RGS7: variants seen among roughly 807,000 people sequenced by gnomAD.
The protein encoded by RGS7 is regulator of G protein signaling 7.
A neutral mutation model predicts 81.1 loss-of-function variants in RGS7; 27 were observed. The observed-to-expected ratio is 0.33, with a 90% CI of 0.25 to 0.46. RGS7 has a LOEUF of 0.46. RGS7 is among the 20% of genes least tolerant of loss of function. The probability of loss-of-function intolerance (pLI) is 1.00; values close to 1 mark genes in which losing one functional copy is unlikely to be tolerated. For synonymous variants in RGS7, 208 were observed against 207.7 expected (o/e 1.00, Z -0.01); for missense variants, 396 against 607.4 (o/e 0.65, Z 3.66).
chr1:241,248,400 G>GTA (rs962918136), intron 2 of RGS7, among the ~76,000 whole-genome samples: 40 of 145,846 alleles, frequency 2.7e-4, no homozygotes, highest in African/African-American at 5.8e-4. Flanking sequence ...ACATACATAT[G>GTA]TATATATATA....
chr1:240,936,754 A>G (rs1400891890), intron 4 of RGS7, 48 bp from the exon 5 acceptor site: 1 of 1,374,046 alleles, frequency 7.3e-7, no homozygotes, highest in African/African-American at 1.4e-5. Flanking sequence ...TTTTAAATGT[A>G]TTCTTTTATA....
In RGS7 at chr1:241,331,860, C is replaced by T. The variant is rs184424382; in HGVS notation, c.78+23839G>A. ...AGAAAGATGTATGGTAATGCAGAGACGAAAAATATCAGTGTCACTAGAGAA... is the reference window on the plus strand; with the variant it reads ...AGAAAGATGTATGGTAATGCAGAGATGAAAAATATCAGTGTCACTAGAGAA... On this transcript the variant is annotated intron_variant, in intron 2 of 18. Transcript: ENST00000440928. 9.2e-5 allele frequency among the ~76,000 whole-genome samples: 14 copies of T among 152,148 alleles called. No individual in the cohort carries two copies. The East Asian group carries it at 2.5e-3, about 27-fold the overall frequency.
chr1:241,078,979 T>C (rs1320513012), intron 3 of RGS7, among the ~76,000 whole-genome samples: 2 of 152,260 alleles, frequency 1.3e-5, no homozygotes, highest in Non-Finnish European at 2.9e-5. Flanking sequence ...TATCCAATCT[T>C]CTAAAAATTA....
At chr1:241,177,753 C>A (rs533333662) in intron 2 of RGS7, among the ~76,000 whole-genome samples, 2 of 152,160 alleles carry the variant, frequency 1.3e-5, no homozygotes, top group African/African-American at 4.8e-5. Context: ...AACAAGACTT[C>A]CTAGTTGACT....
At chr1:241,056,366 T>C (rs1279136416) in intron 3 of RGS7, among the ~76,000 whole-genome samples, 1 of 152,224 alleles carries the variant, frequency 6.6e-6, no homozygotes, top group Non-Finnish European at 1.5e-5. Flanking sequence ...TGTTTCAGCT[T>C]CTTCTTAGCA....
chr1:240,799,744 C>T (rs910672748), intron 18 of RGS7, among the ~76,000 whole-genome samples: 7 of 152,168 alleles, frequency 4.6e-5, no homozygotes, highest in African/African-American at 1.4e-4. Flanking sequence ...AAGGGTTGGA[C>T]ATGGCTGCAA....
At chr1:241,040,257 GA>G (rs1477144859) in intron 3 of RGS7, among the ~76,000 whole-genome samples, 2 of 152,130 alleles carry the variant, frequency 1.3e-5, no homozygotes, top group Non-Finnish European at 2.9e-5. Flanking sequence ...CACCAGAAAA[GA>G]AAAATCATGT....
At chr1:241,174,890 A>AT (rs1351784629) in intron 2 of RGS7, among the ~76,000 whole-genome samples, 103 of 132,132 alleles carry the variant, frequency 7.8e-4, no homozygotes, top group African/African-American at 2.8e-3. Flanking sequence ...AATTCACAGA[A>AT]TTTTGTTTTT....
At chr1:241,185,972 C>G (rs2072059595) in intron 2 of RGS7, among the ~76,000 whole-genome samples, 1 of 152,028 alleles carries the variant, frequency 6.6e-6, no homozygotes, top group African/African-American at 2.4e-5. Context: ...ACGAAGTTAA[C>G]TGAAGATATC....
intron 2 of RGS7, among the ~76,000 whole-genome samples, chr1:241,212,623 A>G (rs560728129): frequency 6.6e-6 from 1 of 152,306 alleles, no homozygotes; most frequent in African/African-American, 2.4e-5. Flanking sequence ...GCAGCACTGA[A>G]TAAGAATCTC....
chr1:240,801,990 T>G (rs1688097141), intron 16 of RGS7, among the ~76,000 whole-genome samples: 1 of 152,196 alleles, frequency 6.6e-6, no homozygotes, highest in African/African-American at 2.4e-5. Context: ...CTGTGGTTAC[T>G]GAGCACTTGA....
intron 9 of RGS7, among the ~76,000 whole-genome samples, chr1:240,862,641 A>T (rs1204011511): frequency 6.6e-6 from 1 of 152,204 alleles, no homozygotes; most frequent in Non-Finnish European, 1.5e-5. Flanking sequence ...CTGTTAGGAT[A>T]ACTCCATTTC....
intron 2 of RGS7, among the ~76,000 whole-genome samples, chr1:241,324,441 C>CA (rs1428401204): frequency 6.6e-6 from 1 of 152,134 alleles, no homozygotes; most frequent in African/African-American, 2.4e-5. Context: ...ATTTTCTCTG[C>CA]AAAAAGTATA....
chr1:240,953,303 G>C (rs1679858538), intron 4 of RGS7, among the ~76,000 whole-genome samples: 1 of 151,730 alleles, frequency 6.6e-6, no homozygotes, highest in African/African-American at 2.4e-5. Flanking sequence ...TTATTCTAAA[G>C]CATACATGAA....
intron 9 of RGS7, among the ~76,000 whole-genome samples, chr1:240,856,742 T>C (rs891095469): frequency 6.6e-6 from 1 of 152,174 alleles, no homozygotes; most frequent in African/African-American, 2.4e-5. Context: ...TGAAGAAATA[T>C]TTTGCATGTA....
intron 9 of RGS7, among the ~76,000 whole-genome samples, chr1:240,832,265 A>T (rs189347500): frequency 2.0e-5 from 3 of 152,324 alleles, no homozygotes. Context: ...AGTATTAAGC[A>T]CATAGTATTG....
chr1:240,980,205 GTTA>G (rs1684716162), intron 4 of RGS7, among the ~76,000 whole-genome samples: 1 of 152,130 alleles, frequency 6.6e-6, no homozygotes. Context: ...ATAGAAATGA[GTTA>G]TTAAGTGCTC....
chr1:241,148,730 T>G (rs2068530974), intron 2 of RGS7, among the ~76,000 whole-genome samples: 1 of 152,250 alleles, frequency 6.6e-6, no homozygotes, highest in Admixed American at 6.5e-5. Context: ...GATGTGAAAA[T>G]GCATATACAT....
chr1:241,088,200 C>A (rs1200527159), intron 3 of RGS7, among the ~76,000 whole-genome samples: 2 of 151,370 alleles, frequency 1.3e-5, no homozygotes, highest in Admixed American at 1.3e-4. Context: ...ATCTTCAAGA[C>A]CAGAGTGGCC....
Sources: allele counts gnomAD v4.1 joint callset (sites outside exome capture counted in the v4.1 genomes callset), GRCh38; gene constraint gnomAD v4.1.1; transcripts MANE v1.5; gene names NCBI Gene and HGNC (gene_info 2026-07-23, HGNC 2026-07-21).